Variants in THSD7B observed in about 807,000 individuals in gnomAD.
The protein encoded by THSD7B is thrombospondin type-1 domain-containing protein 7B.
THSD7B carries 138 observed loss-of-function variants against 213.6 expected under a neutral mutation model. The ratio of observed to expected loss-of-function variants is 0.65; its 90% CI spans 0.56 to 0.74. The LOEUF (loss-of-function observed/expected upper bound fraction) is 0.74, where lower values mean the gene tolerates loss of function less well. Ranked by LOEUF, THSD7B falls within the 30% of genes least tolerant of loss-of-function variation. The pLI, the probability that THSD7B is intolerant of heterozygous loss-of-function variation, is 0.00. For missense variants in THSD7B, 1,931 were observed against 1,991.5 expected (o/e 0.97, Z 0.58); for synonymous variants, 742 against 687.0 (o/e 1.08, Z -1.25).
chr2:136,775,082 C>T (rs1215498832), intron 1 of THSD7B, among the ~76,000 whole-genome samples: 2 of 152,112 alleles, frequency 1.3e-5, no homozygotes, highest in African/African-American at 2.4e-5. Flanking sequence ...ATTCTCTGTA[C>T]TTGGCAAAGC....
rs1687698391 is a variant in THSD7B at position 137,453,538 on chromosome 2, C to T, written c.3138+2515C>T. Among the ~76,000 whole-genome samples the T allele has an allele frequency of 2.0e-5, 3 of 151,842 alleles. No homozygotes were observed. In the South Asian group the frequency reaches 6.2e-4, roughly 32 times the overall value. Reference sequence around the variant, plus strand: ...TAGAGACAGGGTTTCACTGTGTTAGCCATGATGGTCTCAATCTCCTGACCT... The same window carrying T: ...TAGAGACAGGGTTTCACTGTGTTAGTCATGATGGTCTCAATCTCCTGACCT... On this transcript the variant is annotated intron_variant, in intron 15 of 27. Coordinates refer to ENST00000409968, the MANE Select transcript of THSD7B (RefSeq NM_001316349.2).
chr2:136,872,814 C>CAAA (rs60759275), intron 1 of THSD7B, among the ~76,000 whole-genome samples: 1,016 of 65,498 alleles, frequency 0.016, 103 homozygotes, highest in African/African-American at 0.033. Context: ...ACTGAAAATA[C>CAAA]AAAAAAAAAA....
intron 1 of THSD7B, among the ~76,000 whole-genome samples, chr2:136,779,116 G>A (rs1330951840): frequency 2.0e-5 from 3 of 151,992 alleles, no homozygotes; most frequent in Admixed American, 6.6e-5. Flanking sequence ...GTGTAAACTT[G>A]AGTACATTGG....
At chr2:137,373,975 T>C (rs1174100035) in intron 12 of THSD7B, among the ~76,000 whole-genome samples, 3 of 152,196 alleles carry the variant, frequency 2.0e-5, no homozygotes, top group Non-Finnish European at 4.4e-5. Flanking sequence ...CCATTGCTTG[T>C]TTTTCTCAGG....
At chr2:137,414,534 C>G (rs1686749445) in intron 14 of THSD7B, among the ~76,000 whole-genome samples, 1 of 151,474 alleles carries the variant, frequency 6.6e-6, no homozygotes, top group African/African-American at 2.4e-5. Flanking sequence ...GCCTGGTCAA[C>G]ATAGGGAGGA....
intron 2 of THSD7B, among the ~76,000 whole-genome samples, chr2:137,054,697 G>T (rs1687128039): frequency 6.6e-6 from 1 of 152,056 alleles, no homozygotes; most frequent in Non-Finnish European, 1.5e-5. Flanking sequence ...TGCCTCTTAG[G>T]GTCTGAAGTG....
chr2:136,946,323 A>G (rs1050399931), intron 2 of THSD7B, among the ~76,000 whole-genome samples: 1 of 152,090 alleles, frequency 6.6e-6, no homozygotes, highest in African/African-American at 2.4e-5. Flanking sequence ...GCAGAACAAC[A>G]AATATTGCTG....
At chr2:136,772,619 A>C (rs980000672) in intron 1 of THSD7B, among the ~76,000 whole-genome samples, 2 of 152,142 alleles carry the variant, frequency 1.3e-5, no homozygotes, top group African/African-American at 4.8e-5. Flanking sequence ...CAAAAAAGGG[A>C]AAATGAGTTG....
At chr2:137,428,442 A>G (rs1488990453) in intron 14 of THSD7B, among the ~76,000 whole-genome samples, 4 of 152,202 alleles carry the variant, frequency 2.6e-5, no homozygotes, top group Admixed American at 1.3e-4. Context: ...AGAGATGAAC[A>G]ATATATCCAA....
At chr2:137,013,277 G>A (rs1230441834) in intron 2 of THSD7B, among the ~76,000 whole-genome samples, 2 of 152,184 alleles carry the variant, frequency 1.3e-5, no homozygotes, top group East Asian at 3.9e-4. Context: ...TGGATATCAG[G>A]CAAAGAAAGA....
At chr2:137,186,624 T>C (rs960397284) in intron 7 of THSD7B, among the ~76,000 whole-genome samples, 3 of 152,298 alleles carry the variant, frequency 2.0e-5, no homozygotes, top group African/African-American at 7.2e-5. Flanking sequence ...TCTTGTAGTG[T>C]AGTTTGAAGT....
At chr2:137,349,412 A>G (rs976059752) in intron 12 of THSD7B, among the ~76,000 whole-genome samples, 4 of 151,846 alleles carry the variant, frequency 2.6e-5, no homozygotes, top group African/African-American at 9.7e-5. Context: ...AATGCTGTTT[A>G]TAAGAATCAT....
At chr2:137,027,297 G>T (rs1377171793) in intron 2 of THSD7B, among the ~76,000 whole-genome samples, 1 of 152,116 alleles carries the variant, frequency 6.6e-6, no homozygotes, top group Non-Finnish European at 1.5e-5. Flanking sequence ...TCTGGTTGGC[G>T]TGTGTCTTTC....
chr2:137,543,811 G>C (rs1329044451), intron 15 of THSD7B, among the ~76,000 whole-genome samples: 1 of 151,660 alleles, frequency 6.6e-6, no homozygotes, highest in Non-Finnish European at 1.5e-5. Context: ...TCAGGACTTA[G>C]ACATTTCTCC....
intron 17 of THSD7B, among the ~76,000 whole-genome samples, chr2:137,581,325 C>G (rs376401725): frequency 2.6e-5 from 4 of 152,248 alleles, no homozygotes; most frequent in East Asian, 3.9e-4. Flanking sequence ...CAGTGGTTCA[C>G]GCCTGTAATC....
intron 1 of THSD7B, among the ~76,000 whole-genome samples, chr2:136,789,347 T>C (rs989233473): frequency 5.3e-5 from 8 of 152,060 alleles, no homozygotes; most frequent in Non-Finnish European, 8.8e-5. Context: ...TTTTTTAGCT[T>C]TTATTGATAC....
intron 15 of THSD7B, among the ~76,000 whole-genome samples, chr2:137,508,440 G>A (rs1679885697): frequency 6.7e-6 from 1 of 150,118 alleles, no homozygotes; most frequent in African/African-American, 2.5e-5. Context: ...GCAGTGGCGG[G>A]ATCTCTGCTC....
chr2:136,867,303 T>G (rs1683349160), intron 1 of THSD7B, among the ~76,000 whole-genome samples: 1 of 152,202 alleles, frequency 6.6e-6, no homozygotes, highest in African/African-American at 2.4e-5. Context: ...GACATTTTGA[T>G]GGACATTTGT....
At chr2:136,823,110 C>T (rs16855716) in intron 1 of THSD7B, among the ~76,000 whole-genome samples, 22,063 of 152,060 alleles carry the variant, frequency 0.15, 1,751 homozygotes, top group Middle Eastern at 0.3. Context: ...GGTTATTTAA[C>T]GTGAAAGAGA....
Sources: gnomAD v4.1 joint callset for allele counts (sites outside exome capture counted in the v4.1 genomes callset) on GRCh38, gnomAD v4.1.1 for gene constraint, MANE v1.5 for transcripts, NCBI Gene and HGNC (gene_info 2026-07-23, HGNC 2026-07-21) for gene names.